Variants in SAXO1 observed in about 807,000 individuals in gnomAD.
SAXO1 encodes stabilizer of axonemal microtubules 1, also known as 4930500O09Rik.
Under a neutral mutation model 17.5 loss-of-function variants are expected in SAXO1, and 21 were observed. The observed-to-expected ratio is 1.20, with a 90% CI of 0.85 to 1.72. SAXO1 has a LOEUF of 1.72. Ranked by LOEUF, SAXO1 falls within the 40% of genes most tolerant of loss-of-function variation. The pLI, the probability that SAXO1 is intolerant of heterozygous loss-of-function variation, is 0.00. For missense variants in SAXO1, 843 were observed against 596.0 expected, an observed-to-expected ratio of 1.41 and a Z score of -4.32; for synonymous variants, 274 against 216.5, an observed-to-expected ratio of 1.27 and a Z score of -2.33.
chr9:18,952,533 T>C (rs1164498377), intron 1 of SAXO1, among the ~76,000 whole-genome samples: 1 of 152,232 alleles, frequency 6.6e-6, no homozygotes, highest in Non-Finnish European at 1.5e-5. Context: ...CATCAACACC[T>C]GTACTGTTCA....
intron 1 of SAXO1, among the ~76,000 whole-genome samples, chr9:19,021,706 G>A (rs186980893): frequency 2.0e-5 from 3 of 152,346 alleles, no homozygotes; most frequent in Admixed American, 2.0e-4. Context: ...TTCTGGGTCA[G>A]GTGGGTACTT....
chr9:19,044,809 G>A (rs1836168356), intron 1 of SAXO1, among the ~76,000 whole-genome samples: 1 of 151,830 alleles, frequency 6.6e-6, no homozygotes, highest in Admixed American at 6.6e-5. Flanking sequence ...CTTGCAGTGA[G>A]CCGAGATGGC....
At chr9:18,966,231 C>G (rs563826123) in intron 1 of SAXO1, among the ~76,000 whole-genome samples, 1 of 152,260 alleles carries the variant, frequency 6.6e-6, no homozygotes, top group African/African-American at 2.4e-5. Flanking sequence ...GGTTGCTCTT[C>G]TTGTGGAGTA....
chr9:18,958,317 G>C lies in SAXO1; in HGVS notation c.39-7380C>G, dbSNP rs147459714. 5.5e-3 allele frequency among the ~76,000 whole-genome samples: 832 copies of C among 152,150 alleles called. 3 individuals are homozygous for C. The highest frequency in any genetic ancestry group is 7.9e-3 in the Non-Finnish European group (540 of 67,980). ...TGGGCACCTGTAATTCCAGCTACTC[G>C]GGAGGCTGAGGCAGGACAATCATTT... On this transcript the variant is annotated intron_variant, in intron 1 of 3. Coordinates refer to ENST00000380534, the MANE Select transcript of SAXO1 (RefSeq NM_153707.4).
At chr9:19,029,391 G>A (rs963214047) in intron 1 of SAXO1, among the ~76,000 whole-genome samples, 12 of 152,120 alleles carry the variant, frequency 7.9e-5, no homozygotes, top group African/African-American at 2.9e-4. Flanking sequence ...CAGGAACCCC[G>A]GTCTCCCCCT....
chr9:19,004,246 G>T (rs1653246754), intron 1 of SAXO1, among the ~76,000 whole-genome samples: 1 of 152,216 alleles, frequency 6.6e-6, no homozygotes, highest in Admixed American at 6.5e-5. Context: ...AGTTGCTGGA[G>T]AGGATGTGGA....
chr9:18,972,351 T>C (rs1750468424), intron 1 of SAXO1, among the ~76,000 whole-genome samples: 1 of 152,218 alleles, frequency 6.6e-6, no homozygotes, highest in Non-Finnish European at 1.5e-5. Context: ...ACCATACCTT[T>C]CTATTAGACT....
At chr9:18,974,137 G>C (rs1486258042) in intron 1 of SAXO1, among the ~76,000 whole-genome samples, 1 of 152,122 alleles carries the variant, frequency 6.6e-6, no homozygotes, top group Non-Finnish European at 1.5e-5. Flanking sequence ...ATCCAAAATA[G>C]TTAAGAAGAC....
chr9:18,979,016 T>C (rs1833263163), intron 1 of SAXO1, among the ~76,000 whole-genome samples: 1 of 152,202 alleles, frequency 6.6e-6, no homozygotes, highest in Non-Finnish European at 1.5e-5. Context: ...TGGGATAGCA[T>C]CAAATTTTTG....
intron 1 of SAXO1, among the ~76,000 whole-genome samples, chr9:19,011,750 C>T (rs1217395303): frequency 6.6e-6 from 1 of 152,046 alleles, no homozygotes; most frequent in East Asian, 1.9e-4. Context: ...CTAAGTATGC[C>T]AATTACGAAC....
chr9:18,993,859 AT>A (rs1748666599), intron 1 of SAXO1, among the ~76,000 whole-genome samples: 1 of 152,212 alleles, frequency 6.6e-6, no homozygotes, highest in South Asian at 2.1e-4. Context: ...AACTTGGGAA[AT>A]TCCAGGGAGG....
chr9:18,949,077 C>G (rs1831917614), intron 2 of SAXO1, among the ~76,000 whole-genome samples: 1 of 152,140 alleles, frequency 6.6e-6, no homozygotes, highest in South Asian at 2.1e-4. Context: ...TTTAGACTCT[C>G]AGAGACAAAG....
intron 1 of SAXO1, among the ~76,000 whole-genome samples, chr9:19,000,223 G>C (rs1471407943): frequency 1.3e-5 from 2 of 150,740 alleles, no homozygotes; most frequent in Admixed American, 6.6e-5. Context: ...CAAATGACTG[G>C]GAAGTGAGGA....
chr9:18,983,254 G>C (rs1833469790), intron 1 of SAXO1, among the ~76,000 whole-genome samples: 1 of 152,110 alleles, frequency 6.6e-6, no homozygotes, highest in Non-Finnish European at 1.5e-5. Flanking sequence ...GAAGGTGAAG[G>C]GGAAGCAAGG....
In SAXO1 at chr9:19,002,942, G is replaced by A. The variant is rs146756687; in HGVS notation, c.38+29929C>T. On this transcript the variant is annotated intron_variant, in intron 1 of 3. Transcript: ENST00000380534. ...AAAAGGTATTCAATTAAGCAAAGAC[G>A]AAGTCAAATTGTCTCTATTTGCATA... Among the ~76,000 whole-genome samples, 662 of 152,272 alleles carry A rather than the reference G, an allele frequency of 4.3e-3. 3 individuals carry two copies. The highest frequency in any genetic ancestry group is 0.015 in the African/African-American group (629 of 41,548).
At chr9:18,932,045 A>G (rs1831076156) in intron 3 of SAXO1, among the ~76,000 whole-genome samples, 1 of 152,198 alleles carries the variant, frequency 6.6e-6, no homozygotes, top group African/African-American at 2.4e-5. Flanking sequence ...CTAAGTGCCC[A>G]AAGGTTTTGA....
At chr9:18,998,434 G>A (rs560461266) in intron 1 of SAXO1, among the ~76,000 whole-genome samples, 16 of 152,212 alleles carry the variant, frequency 1.1e-4, no homozygotes, top group Non-Finnish European at 1.9e-4. Context: ...GAAAAGAAAT[G>A]AACAAAGCCT....
At chr9:18,949,919 C>T (rs115752796) in intron 2 of SAXO1, among the ~76,000 whole-genome samples, 2,563 of 152,206 alleles carry the variant, frequency 0.017, 78 homozygotes, top group African/African-American at 0.059. Context: ...GATGAGGAAC[C>T]GGGAAGGCAG....
intron 1 of SAXO1, among the ~76,000 whole-genome samples, chr9:19,023,134 A>C: frequency 7.4e-6 from 1 of 135,694 alleles, no homozygotes; most frequent in Non-Finnish European, 1.6e-5. Context: ...CAAACACCAG[A>C]TTACATCCCC....
Sources: gnomAD v4.1 joint callset for allele counts (sites outside exome capture counted in the v4.1 genomes callset) on GRCh38, gnomAD v4.1.1 for gene constraint, MANE v1.5 for transcripts, NCBI Gene and HGNC (gene_info 2026-07-23, HGNC 2026-07-21) for gene names.